NTM: variants seen among roughly 807,000 people sequenced by gnomAD.
NTM encodes IgLON family member 2.
Under a neutral mutation model 42.1 loss-of-function variants are expected in NTM, and 13 were observed. The observed-to-expected ratio is 0.31, with a 90% CI of 0.20 to 0.49. NTM has a LOEUF of 0.49. NTM is among the 20% of genes least tolerant of loss of function. The pLI is 0.99. For synonymous variants in NTM, 187 were observed against 179.2 expected (o/e 1.04, Z -0.35); for missense variants, 373 against 452.8 (o/e 0.82, Z 1.60).
intron 1 of NTM, chr11:131,662,128 C>T (rs1182543267): frequency 1.3e-5 from 2 of 152,198 alleles, no homozygotes; most frequent in Non-Finnish European, 2.9e-5. Context: ...AATACTAGAA[C>T]TTGTTTTTGA....
chr11:132,153,807 C>A (rs1198147412), intron 3 of NTM, among the ~76,000 whole-genome samples: 1 of 152,146 alleles, frequency 6.6e-6, no homozygotes, highest in East Asian at 1.9e-4. Flanking sequence ...CCCTGTCCAG[C>A]AGAGGAGACC....
intron 2 of NTM, among the ~76,000 whole-genome samples, chr11:132,034,082 A>T (rs1457868935): frequency 6.6e-6 from 1 of 152,200 alleles, no homozygotes; most frequent in East Asian, 1.9e-4. Context: ...AAAATACATG[A>T]CTTTCTTAAA....
chr11:132,335,054 G>A lies in NTM; in HGVS notation c.976G>A (p.Ala326Thr), dbSNP rs376123129. ...GTGTGTTCTCTCCACAGGTCCAGGCGCCGTCAGCGAGGTGAGCAACGGCAC... is the reference window on the plus strand; with the variant it reads ...GTGTGTTCTCTCCACAGGTCCAGGCACCGTCAGCGAGGTGAGCAACGGCAC... The part of the protein sequence containing the change: ...TALTPWKGPG[A>T]VSEVSNGTSR... The change falls in exon 9 of 9, where the codon GCC becomes ACC. Residue 326 changes from alanine (A) to threonine (T), a missense_variant. Coordinates refer to ENST00000683400, the MANE Select transcript of NTM (RefSeq NM_001352005.2). 52 of 1,611,964 alleles carry A rather than the reference G, an allele frequency of 3.2e-5. No homozygotes were observed. Among genetic ancestry groups the A allele is most frequent in the Middle Eastern group, 1.6e-4 (1 of 6,062 alleles).
chr11:132,061,672 G>A (rs1021645538), intron 2 of NTM, among the ~76,000 whole-genome samples: 2 of 152,114 alleles, frequency 1.3e-5, no homozygotes, highest in African/African-American at 4.8e-5. Context: ...CTCATGAGTG[G>A]GAAAATTGCC....
chr11:132,254,714 G>T (rs1471839607), intron 4 of NTM, among the ~76,000 whole-genome samples: 1 of 152,150 alleles, frequency 6.6e-6, no homozygotes, highest in African/African-American at 2.4e-5. Context: ...GATGGTGATG[G>T]CTGCTGGGTT....
At chr11:131,684,478 T>A (rs1345321607) in intron 1 of NTM, among the ~76,000 whole-genome samples, 1 of 152,178 alleles carries the variant, frequency 6.6e-6, no homozygotes, top group Non-Finnish European at 1.5e-5. Flanking sequence ...CCTGGTGCCC[T>A]CCCCAGCCTG....
At chr11:131,377,874 A>G (rs1019657409) in intron 1 of NTM, among the ~76,000 whole-genome samples, 1 of 152,188 alleles carries the variant, frequency 6.6e-6, no homozygotes, top group African/African-American at 2.4e-5. Flanking sequence ...AGGTTTTCTC[A>G]TGAACAAGAA....
chr11:131,897,062 T>G (rs1265272475), intron 1 of NTM: 1 of 152,226 alleles, frequency 6.6e-6, no homozygotes, highest in Non-Finnish European at 1.5e-5. Context: ...CGTGGCTGAA[T>G]AGCCATGCGT....
At chr11:131,972,064 T>A (rs1436735741) in intron 2 of NTM, among the ~76,000 whole-genome samples, 31 of 56,130 alleles carry the variant, frequency 5.5e-4, no homozygotes, top group South Asian at 1.2e-3. Context: ...AAAAAAAAAA[T>A]TAGCCAGGTG....
intron 3 of NTM, among the ~76,000 whole-genome samples, chr11:132,189,163 A>G (rs1171570084): frequency 1.3e-5 from 2 of 152,146 alleles, no homozygotes; most frequent in African/African-American, 4.8e-5. Context: ...ACAAATATGC[A>G]AGTCTATAGT....
chr11:132,095,755 G>A (rs1446872502), intron 2 of NTM, among the ~76,000 whole-genome samples: 3 of 152,136 alleles, frequency 2.0e-5, no homozygotes, highest in South Asian at 4.1e-4. Context: ...ATCATGCAGC[G>A]TGATCCTAGA....
chr11:131,643,444 GA>G (rs1379070947), intron 1 of NTM, among the ~76,000 whole-genome samples: 2 of 152,198 alleles, frequency 1.3e-5, no homozygotes, highest in African/African-American at 4.8e-5. Context: ...AGACCCAGGG[GA>G]TGAAGGCTGT....
At chr11:131,524,121 G>A (rs1335731331) in intron 1 of NTM, among the ~76,000 whole-genome samples, 1 of 152,210 alleles carries the variant, frequency 6.6e-6, no homozygotes, top group Non-Finnish European at 1.5e-5. Context: ...CACTCCATGT[G>A]GTCTCAGTTA....
At chr11:131,787,871 AGTT>A (rs2089531708) in intron 1 of NTM, among the ~76,000 whole-genome samples, 1 of 152,188 alleles carries the variant, frequency 6.6e-6, no homozygotes, top group East Asian at 1.9e-4. Flanking sequence ...GAATTTTGGT[AGTT>A]AGCATTTTGC....
chr11:132,183,102 C>T (rs73595488), intron 3 of NTM, among the ~76,000 whole-genome samples: 2,417 of 152,286 alleles, frequency 0.016, 57 homozygotes, highest in African/African-American at 0.054. Flanking sequence ...TCTACACCTG[C>T]TGGCACACCC....
At chr11:131,380,615 C>T (rs1468566098) in intron 1 of NTM, among the ~76,000 whole-genome samples, 2 of 152,138 alleles carry the variant, frequency 1.3e-5, no homozygotes, top group Non-Finnish European at 2.9e-5. Context: ...ATGTCTATCT[C>T]CCCTTCCCAG....
intron 2 of NTM, among the ~76,000 whole-genome samples, chr11:132,065,812 G>A (rs951389665): frequency 3.3e-5 from 5 of 152,152 alleles, no homozygotes; most frequent in Non-Finnish European, 7.3e-5. Flanking sequence ...GGTGAAGCAG[G>A]TGCTCTTATC....
At chr11:132,088,207 G>A (rs959418198) in intron 2 of NTM, among the ~76,000 whole-genome samples, 1 of 152,214 alleles carries the variant, frequency 6.6e-6, no homozygotes, top group Non-Finnish European at 1.5e-5. Context: ...ATACAGGGTT[G>A]GATTGAGGCC....
At chr11:131,428,870 A>C (rs1948407703) in intron 1 of NTM, among the ~76,000 whole-genome samples, 1 of 122,544 alleles carries the variant, frequency 8.2e-6, no homozygotes, top group Non-Finnish European at 1.7e-5. Flanking sequence ...CCCCATCTCT[A>C]CTAAAAATAC....
Sources: gnomAD v4.1 joint callset for allele counts (sites outside exome capture counted in the v4.1 genomes callset) on GRCh38, gnomAD v4.1.1 for gene constraint, MANE v1.5 for transcripts, NCBI Gene and HGNC (gene_info 2026-07-23, HGNC 2026-07-21) for gene names.